Variants in TSPAN33 observed in about 807,000 individuals in gnomAD.
TSPAN33 encodes tetraspanin-33.
In TSPAN33, 27 loss-of-function variants were observed where a neutral mutation model predicts 34.8. The ratio of observed to expected loss-of-function variants is 0.78; its 90% CI spans 0.57 to 1.07. The LOEUF is 1.07. TSPAN33 is among the 50% of genes least tolerant of loss of function. TSPAN33 has a pLI of 0.00. For missense variants in TSPAN33, 272 were observed against 324.9 expected (o/e 0.84, Z 1.25); for synonymous variants, 119 against 124.2 (o/e 0.96, Z 0.28).
chr7:129,158,337 G>A (rs1792986810), intron 1 of TSPAN33, among the ~76,000 whole-genome samples: 1 of 152,210 alleles, frequency 6.6e-6, no homozygotes, highest in African/African-American at 2.4e-5. Context: ...TAGAGACAGA[G>A]CAACTGCTGT....
rs1810553205 is a variant in TSPAN33, at chr7:129,148,753, C to T, written c.102+3671C>T. Among the ~76,000 whole-genome samples, 1 of 152,226 alleles carries T rather than the reference C, an allele frequency of 6.6e-6. No homozygotes were observed. The highest frequency in any genetic ancestry group is 2.1e-4 in the South Asian group (1 of 4,830). Reference sequence around the variant, plus strand: ...CTGGATTTTCTCACTTCCACTGCCACATATATGCACCCTTGTCCAGGTCTT... The same window carrying T: ...CTGGATTTTCTCACTTCCACTGCCATATATATGCACCCTTGTCCAGGTCTT... On this transcript the variant is annotated intron_variant, in intron 1 of 7. Coordinates refer to ENST00000486685, the MANE Select transcript of TSPAN33 (RefSeq NM_178562.5). This position sits in a 1 kb window ranked among gnomAD's most constrained non-coding sequence, Gnocchi z 4.2.
Position 129,166,979 on chromosome 7 carries a change from T to C in TSPAN33, c.588+73T>C. 2.6e-6 allele frequency: 4 copies of C among 1,540,544 alleles called. No homozygotes were observed. The South Asian group carries it at 3.6e-5, about 14-fold the overall frequency. ...ACTTTCTGATGGGGGCAGCTGCTACTGGGGATCCCCATCCCCTAGCTTCAC... is the reference window on the plus strand; with the variant it reads ...ACTTTCTGATGGGGGCAGCTGCTACCGGGGATCCCCATCCCCTAGCTTCAC... On this transcript the variant is annotated intron_variant, in intron 6 of 7. Coordinates refer to ENST00000486685, the MANE Select transcript of TSPAN33 (RefSeq NM_178562.5).
chr7:129,152,316 G>A lies in TSPAN33; in HGVS notation c.102+7234G>A, dbSNP rs377379401. Reference sequence around the variant, plus strand: ...TACTATCCACAGCAGCCAAAAGGTGGGAGCAACACAAATGTCTACCAATGG... The same window carrying A: ...TACTATCCACAGCAGCCAAAAGGTGAGAGCAACACAAATGTCTACCAATGG... On this transcript the variant is annotated intron_variant, in intron 1 of 7. Transcript: ENST00000486685. Among the ~76,000 whole-genome samples the A allele has an allele frequency of 2.0e-3, 308 of 152,234 alleles. 10 individuals are homozygous for A. In the South Asian group the frequency reaches 0.059, roughly 29 times the overall value.
In TSPAN33 at chr7:129,147,851, C is replaced by G. The variant is rs61607954; in HGVS notation, c.102+2769C>G. Reference sequence around the variant, plus strand: ...CCCTGACTCTTGGGGCATTTGGAGTCTGACTCAGAAAACTAATGAATTTTG... The same window carrying G: ...CCCTGACTCTTGGGGCATTTGGAGTGTGACTCAGAAAACTAATGAATTTTG... On this transcript the variant is annotated intron_variant, in intron 1 of 7. Transcript: ENST00000486685. Among the ~76,000 whole-genome samples, 1,427 of 152,274 alleles carry G rather than the reference C, an allele frequency of 9.4e-3. 30 individuals are homozygous for G. The highest frequency in any genetic ancestry group is 0.033 in the African/African-American group (1,353 of 41,540).
At chr7:129,155,978 C>T (rs547999617) in intron 1 of TSPAN33, among the ~76,000 whole-genome samples, 3 of 152,208 alleles carry the variant, frequency 2.0e-5, no homozygotes, top group South Asian at 2.1e-4. Context: ...CCATCCTCCC[C>T]GCTCGACCTC....
chr7:129,155,731 C>CT (rs1241957864), intron 1 of TSPAN33, among the ~76,000 whole-genome samples: 17 of 149,872 alleles, frequency 1.1e-4, no homozygotes, highest in South Asian at 2.1e-4. Flanking sequence ...TTTTTTCTTT[C>CT]TTTTTTTTGA....
chr7:129,155,049 C>T (rs1810648547), intron 1 of TSPAN33, among the ~76,000 whole-genome samples: 1 of 152,142 alleles, frequency 6.6e-6, no homozygotes, highest in Non-Finnish European at 1.5e-5. Flanking sequence ...AAATATGGTT[C>T]ATATACATAA....
At chr7:129,159,068 CT>C (rs199586146) in intron 1 of TSPAN33, among the ~76,000 whole-genome samples, 2 of 147,792 alleles carry the variant, frequency 1.4e-5, no homozygotes, top group Admixed American at 6.8e-5. Flanking sequence ...CTTTTTCTTT[CT>C]TTTTTTTTAG....
At chr7:129,160,467 T>G (rs1348978108) in intron 1 of TSPAN33, among the ~76,000 whole-genome samples, 2 of 152,168 alleles carry the variant, frequency 1.3e-5, no homozygotes, top group Non-Finnish European at 2.9e-5. Flanking sequence ...CCAAGGGAAG[T>G]AGGCACTGGG....
chr7:129,147,755 T>TC (rs1351630012), intron 1 of TSPAN33, among the ~76,000 whole-genome samples: 1 of 152,192 alleles, frequency 6.6e-6, no homozygotes, highest in Non-Finnish European at 1.5e-5. Flanking sequence ...TAGGAAGGTG[T>TC]CCGGCATCCT....
chr7:129,158,790 C>T (rs1044035782), intron 1 of TSPAN33, among the ~76,000 whole-genome samples: 9 of 152,166 alleles, frequency 5.9e-5, no homozygotes, highest in Non-Finnish European at 7.3e-5. Flanking sequence ...CTTGCTCTGT[C>T]GCTAGGCTGG....
rs1261350090 is a variant in TSPAN33 at position 129,155,654 on chromosome 7, TG to T, written c.103-6023del. On this transcript the variant is annotated intron_variant, in intron 1 of 7. Transcript: ENST00000486685. ...ATTATCATTATGGTCTACACTTTAT[TG>T]GTTTTTTTTTTCATTTTTATTTAAT... is the stretch of plus-strand genomic sequence containing the variant. 4.7e-3 allele frequency among the ~76,000 whole-genome samples: 16 copies of T among 3,394 alleles called. No homozygotes were observed. The East Asian group carries it at 0.081, about 17-fold the overall frequency. 2.2% of individuals were successfully genotyped at this position (3,394 alleles called of 152,430 possible).
rs187359311 is a variant in TSPAN33 at position 129,148,714 on chromosome 7, A to G, written c.102+3632A>G. On this transcript the variant is annotated intron_variant, in intron 1 of 7. Transcript: ENST00000486685. This position sits in a 1 kb window ranked among gnomAD's most constrained non-coding sequence, Gnocchi z 4.2. ...CCCCTCCTCAGAGCCACACGTACTT[A>G]CTGCCTACAGCATCTGGATTTTCTC... 2.0e-5 allele frequency among the ~76,000 whole-genome samples: 3 copies of G among 152,296 alleles called. No individual in the cohort carries two copies. The highest frequency in any genetic ancestry group is 7.2e-5 in the African/African-American group (3 of 41,562).
chr7:129,145,300 G>A (rs922816760), intron 1 of TSPAN33, among the ~76,000 whole-genome samples: 4 of 152,076 alleles, frequency 2.6e-5, no homozygotes, highest in Non-Finnish European at 5.9e-5. Flanking sequence ...AAGACTGATG[G>A]GTATTCTCGG....
intron 1 of TSPAN33, among the ~76,000 whole-genome samples, chr7:129,155,936 G>T (rs947639410): frequency 1.3e-5 from 2 of 151,812 alleles, no homozygotes; most frequent in Admixed American, 6.6e-5. Context: ...GGTCTACGTT[G>T]CCTAGGCTGG....
At chr7:129,156,687 T>C (rs1361346429) in intron 1 of TSPAN33, among the ~76,000 whole-genome samples, 3 of 152,208 alleles carry the variant, frequency 2.0e-5, no homozygotes, top group African/African-American at 7.2e-5. Context: ...GATGCTCACA[T>C]TGATGAGGAT....
Position 129,166,926 on chromosome 7 carries a change from CA to C in TSPAN33, c.588+21del. ...GACCAGGTGAGCCAGCATCCTGCCT[CA>C]TTTCCTCCTAGGCAGCGAGCTGAGT... On this transcript the variant is annotated intron_variant, in intron 6 of 7. Transcript: ENST00000486685. 1 of 1,610,254 alleles carries C rather than the reference CA, an allele frequency of 6.2e-7. No individual in the cohort carries two copies. The highest frequency in any genetic ancestry group is 2.2e-5 in the East Asian group (1 of 44,810).
chr7:129,164,368 GCAGA>G (rs1347061974), intron 4 of TSPAN33, 102 bp from the exon 5 acceptor site: 1 of 1,022,030 alleles, frequency 9.8e-7, no homozygotes, highest in African/African-American at 1.6e-5. Flanking sequence ...TGATTTCAAG[GCAGA>G]CTCAGTTAAG....
chr7:129,163,024 C>T (rs1793076076), intron 4 of TSPAN33, 117 bp downstream of exon 4: 4 of 969,134 alleles, frequency 4.1e-6, no homozygotes, highest in Admixed American at 2.2e-5. Context: ...AAACATCAGT[C>T]GTTGAAAAGT....
Sources: gnomAD v4.1 joint callset for allele counts (sites outside exome capture counted in the v4.1 genomes callset) on GRCh38, gnomAD v4.1.1 for gene constraint, Gnocchi (gnomAD v3.1) non-coding constraint, MANE v1.5 for transcripts, NCBI Gene and HGNC (gene_info 2026-07-23, HGNC 2026-07-21) for gene names.